FAM186A: variants seen among roughly 807,000 people sequenced by gnomAD.
FAM186A encodes protein FAM186A.
FAM186A carries 163 observed loss-of-function variants against 216.8 expected under a neutral mutation model. The observed-to-expected ratio is 0.75, with a 90% CI of 0.66 to 0.86. FAM186A has a LOEUF of 0.86. Among genes scored for constraint, FAM186A ranks in the 40% least tolerant of loss-of-function variants. The pLI is 0.00. For missense variants in FAM186A, 2,184 were observed against 2,746.2 expected, an observed-to-expected ratio of 0.80 and a Z score of 4.58; for synonymous variants, 805 against 1,025.3, an observed-to-expected ratio of 0.79 and a Z score of 4.10.
chr12:50,340,677 T>TA (rs550435667), intron 4 of FAM186A, among the ~76,000 whole-genome samples: 365 of 142,348 alleles, frequency 2.6e-3, no homozygotes, highest in African/African-American at 6.8e-3. Context: ...CCTGTCTCTT[T>TA]AAAAAAAAAA....
chr12:50,390,796 A>G (rs1158029770), intron 1 of FAM186A, among the ~76,000 whole-genome samples: 2 of 152,206 alleles, frequency 1.3e-5, no homozygotes, highest in East Asian at 1.9e-4. Context: ...GCCTAGCACA[A>G]TGGCTCATGT....
chr12:50,394,308 C>T (rs1943391722), intron 1 of FAM186A, among the ~76,000 whole-genome samples: 1 of 151,998 alleles, frequency 6.6e-6, no homozygotes, highest in African/African-American at 2.4e-5. Context: ...CCTGTAATCT[C>T]AGCACTTTGG....
Position 50,351,289 on chromosome 12 carries a change from T to G in FAM186A, c.5543A>C (p.Gln1848Pro), listed in dbSNP as rs1190715648. Residue 1848 changes from glutamine to proline, a missense_variant, in exon 4 of 8, where the codon CAG (glutamine) becomes CCG (proline). Gln to Pro is a moderately conservative substitution (Grantham distance 76). Around this residue, in one of 7 missense-constraint regions of FAM186A, gnomAD observed 721 missense variants for 816.4 expected, o/e 0.88. Coordinates refer to ENST00000327337, the MANE Select transcript of FAM186A (RefSeq NM_001145475.3). ...FIAGVPPTSG[Q>P]IPSLWAPLSP... Reference sequence around the variant, plus strand: ...AAGAGGAGCCCAGAGACTTGGAATCTGTCCAGAAGTGGGTGGAACTCCAGC... The same window carrying G: ...AAGAGGAGCCCAGAGACTTGGAATCGGTCCAGAAGTGGGTGGAACTCCAGC... The G allele has an allele frequency of 1.3e-6, 2 of 1,539,506 alleles. No homozygotes were observed. The highest frequency in any genetic ancestry group is 8.8e-7 in the Non-Finnish European group (1 of 1,142,380).
chr12:50,375,180 AAAAT>A (rs762721458), intron 1 of FAM186A, among the ~76,000 whole-genome samples: 40 of 152,110 alleles, frequency 2.6e-4, no homozygotes, highest in Non-Finnish European at 4.6e-4. Flanking sequence ...TCCATCTCAA[AAAAT>A]AAATAAATAA....
intron 1 of FAM186A, among the ~76,000 whole-genome samples, chr12:50,390,546 T>C (rs1329584419): frequency 1.3e-5 from 2 of 152,214 alleles, no homozygotes; most frequent in Non-Finnish European, 2.9e-5. Context: ...GCCAATGCCA[T>C]AGGTCAGTGT....
rs1310391438 is a variant in FAM186A at position 50,351,572 on chromosome 12, C to G, written c.5260G>C (p.Gly1754Arg). The G allele has an allele frequency of 6.5e-7, 1 of 1,550,120 alleles. No individual in the cohort carries two copies. The highest frequency in any genetic ancestry group is 8.7e-7 in the Non-Finnish European group (1 of 1,146,236). The change falls in exon 4 of 8, where the codon GGG (glycine) becomes CGG (arginine). Residue 1754 changes from glycine to arginine, a missense_variant. Transcript: ENST00000327337. The part of the protein sequence containing the change: ...APTAEKSSIF[G>R]VSSTPLQISR... ...ATCTGCAAAGGAGTAGAAGAGACCC[C>G]GAATATAGAGGACTTCTCAGCAGTA...
rs1307561118 is a variant in FAM186A at position 50,353,631 on chromosome 12, C to G, written c.3201G>C (p.Gln1067His). The stretch of plus-strand genomic sequence containing the variant: ...TGAGATGAATGCATTTAGTGAGAGG[C>G]TGGCCAGAAATAGGAAGAGCTCCAG... The part of the protein sequence containing the change: ...SLPGALPISG[Q>H]PLTKCIHLTP... The change falls in exon 4 of 8, where the codon CAG becomes CAC. Residue 1067 changes from glutamine to histidine, a missense_variant. Around this residue, in one of 7 missense-constraint regions of FAM186A, gnomAD observed 1,132 missense variants for 1,263.4 expected, o/e 0.90. Transcript: ENST00000327337. 1.3e-6 allele frequency: 2 copies of G among 1,532,910 alleles called. No individual in the cohort carries two copies. Among genetic ancestry groups the G allele is most frequent in the Non-Finnish European group, 1.8e-6 (2 of 1,139,470 alleles). The allele number at this position is 1,532,910 out of a possible 1,614,324, so 95.0% of individuals were successfully genotyped here. A position where few individuals can be genotyped will look rare whatever the true frequency, so the allele number is the denominator to read the frequency against.
At chr12:50,377,749 C>T (rs557502313) in intron 1 of FAM186A, among the ~76,000 whole-genome samples, 1 of 150,786 alleles carries the variant, frequency 6.6e-6, no homozygotes, top group African/African-American at 2.4e-5. Flanking sequence ...AAGAGAATTG[C>T]TTGAACCCGG....
Position 50,353,535 on chromosome 12 carries a change from G to A in FAM186A, c.3297C>T (p.Leu1099=), listed in dbSNP as rs1228162267. 4.6e-6 allele frequency: 7 copies of A among 1,536,484 alleles called. No individual in the cohort carries two copies. The African/African-American group carries it at 6.9e-5, about 15-fold the overall frequency. ...CTAGTTCCTGGGCCTGCTGAAGGGT[G>A]AGCGTGATCCCCTGAGCCTGGGCCT... ...PQQAQAQGIT[L]TLQQAQELGI... is the part of the protein sequence containing the mutation. Residue 1099 remains leucine (L), a synonymous_variant, in exon 4 of 8, where the codon CTC becomes CTT. Coordinates refer to ENST00000327337, the MANE Select transcript of FAM186A (RefSeq NM_001145475.3).
intron 1 of FAM186A, among the ~76,000 whole-genome samples, chr12:50,389,642 T>C (rs944176496): frequency 6.6e-6 from 1 of 152,198 alleles, no homozygotes; most frequent in Non-Finnish European, 1.5e-5. Context: ...GTGGGCCTTA[T>C]TGACAGATTG....
At chr12:50,336,607 G>A (rs1942710838) in intron 4 of FAM186A, among the ~76,000 whole-genome samples, 1 of 152,026 alleles carries the variant, frequency 6.6e-6, no homozygotes, top group Non-Finnish European at 1.5e-5. Flanking sequence ...TTGTGCTTAC[G>A]GACAGAACAG....
At chr12:50,327,483 A>C (rs554335119) in intron 7 of FAM186A, 79 bp from the exon 8 acceptor site, 1 of 1,020,470 alleles carries the variant, frequency 9.8e-7, no homozygotes, top group South Asian at 1.5e-5. Flanking sequence ...AGTCATAGGG[A>C]AAATAAAAGT....
intron 4 of FAM186A, 148 bp downstream of exon 4, chr12:50,350,181 T>G: frequency 1.4e-6 from 1 of 703,330 alleles, no homozygotes; most frequent in South Asian, 2.6e-5. Flanking sequence ...TTTGCTATCT[T>G]AAACAAGCTT....
chr12:50,341,027 C>T (rs1283507062), intron 4 of FAM186A, among the ~76,000 whole-genome samples: 7 of 152,134 alleles, frequency 4.6e-5, no homozygotes, highest in African/African-American at 2.4e-5. Flanking sequence ...AAACTCCTGA[C>T]CTCAGGTGAT....
At chr12:50,348,718 C>T (rs140488342) in intron 4 of FAM186A, among the ~76,000 whole-genome samples, 1,879 of 151,286 alleles carry the variant, frequency 0.012, 15 homozygotes, top group Non-Finnish European at 0.021. Context: ...GCCACCATGC[C>T]CGGCTAATTT....
In FAM186A at chr12:50,343,838, C is replaced by T. The variant is rs549353974; in HGVS notation, c.6503+6491G>A. On this transcript the variant is annotated intron_variant, in intron 4 of 7. Transcript: ENST00000327337. ...TTTCACTGTGTTAGCCAGGATAGTC[C>T]TCATTCTCCTGACCTCGTGATCTGC... is the stretch of plus-strand genomic sequence containing the variant. Among the ~76,000 whole-genome samples, 5 of 152,072 alleles carry T rather than the reference C, an allele frequency of 3.3e-5. No homozygotes were observed. In the East Asian group the frequency reaches 9.7e-4, roughly 29 times the overall value.
chr12:50,357,750 G>A (rs1205843263), intron 3 of FAM186A, among the ~76,000 whole-genome samples: 1 of 152,124 alleles, frequency 6.6e-6, no homozygotes, highest in Non-Finnish European at 1.5e-5. Flanking sequence ...ATCCTCAACC[G>A]CCAGATCCAT....
intron 1 of FAM186A, 29 bp downstream of exon 1, chr12:50,396,264 A>C (rs769622408): frequency 2.7e-6 from 4 of 1,458,198 alleles, no homozygotes; most frequent in Non-Finnish European, 3.6e-6. Context: ...AGAAAATTGC[A>C]GTCTGTAAAC....
chr12:50,396,318 C>G lies in FAM186A; in HGVS notation c.167G>C (p.Arg56Pro). ...SVKDIISRIERAQLHRAREDI... is the reference protein window; with the variant it reads ...SVKDIISRIEPAQLHRAREDI... ...CTCTCTGGCTCGATGGAGCTGTGCG[C>G]GCTCAATCCTAGAGATGATATCCTT... The change falls in exon 1 of 8, where the codon CGC (arginine) becomes CCC (proline). Residue 56 changes from arginine (R) to proline (P), a missense_variant. Physicochemically the swap from Arg to Pro is moderately radical, Grantham distance 103 (BLOSUM62 -2). This residue lies in a region of FAM186A where 1,132 missense variants were observed against 1,263.4 expected (regional missense o/e 0.90). Transcript: ENST00000327337. 1 of 1,550,364 alleles carries G rather than the reference C, an allele frequency of 6.5e-7. No individual in the cohort carries two copies. Among genetic ancestry groups the G allele is most frequent in the Non-Finnish European group, 8.7e-7 (1 of 1,146,644 alleles).
Sources: allele counts gnomAD v4.1 joint callset (sites outside exome capture counted in the v4.1 genomes callset), GRCh38; gene constraint gnomAD v4.1.1; regional missense constraint gnomAD v4.1.1; transcripts MANE v1.5; gene names NCBI Gene and HGNC (gene_info 2026-07-23, HGNC 2026-07-21).